EEF2: variants seen among roughly 807,000 people sequenced by gnomAD.
The protein encoded by EEF2 is elongation factor 2.
EEF2 carries 21 observed loss-of-function variants against 85.3 expected under a neutral mutation model. The observed-to-expected ratio is 0.25, with a 90% confidence interval of 0.17 to 0.35. The LOEUF (loss-of-function observed/expected upper bound fraction) is 0.35, where lower values mean the gene tolerates loss of function less well. Ranked by LOEUF, EEF2 falls within the 10% of genes least tolerant of loss-of-function variation. The pLI, the probability that EEF2 is intolerant of heterozygous loss-of-function variation, is 1.00. For synonymous variants in EEF2, 723 were observed against 508.8 expected (o/e 1.42, Z -5.67); for missense variants, 825 against 1,225.3 (o/e 0.67, Z 4.88).
chr19:3,981,761 G>A (rs1249108099), intron 6 of EEF2, among the ~76,000 whole-genome samples, 186 bp downstream of exon 6: 1 of 152,258 alleles, frequency 6.6e-6, no homozygotes, highest in African/African-American at 2.4e-5. Context: ...CAAGGCTCTG[G>A]CTATGCAGTC....
intron 11 of EEF2, among the ~76,000 whole-genome samples, chr19:3,978,856 TCA>T: frequency 1.6e-5 from 2 of 125,826 alleles, no homozygotes; most frequent in Non-Finnish European, 3.2e-5. Context: ...GCATGGTGGC[TCA>T]CACCTGTAAT....
intron 9 of EEF2, 22 bp from the exon 10 acceptor site, chr19:3,980,088 A>C: frequency 6.2e-7 from 1 of 1,605,606 alleles, no homozygotes; most frequent in Non-Finnish European, 8.5e-7. Context: ...AGAAGGCGGC[A>C]GCAGGCCGCA....
chr19:3,977,317 C>A lies in EEF2; in HGVS notation c.2281G>T (p.Gly761Trp), dbSNP rs2039690038. Residue 761 changes from glycine to tryptophan, a missense_variant, in exon 14 of 15, where the codon GGG (glycine) becomes TGG (tryptophan). Transcript: ENST00000309311. This position sits in a 1 kb window ranked among gnomAD's most constrained non-coding sequence, Gnocchi z 5.4. ...CPEQVVGGIYGVLNRKRGHVF... is the reference protein window; with the variant it reads ...CPEQVVGGIYWVLNRKRGHVF... ...TGGCCCCGCTTCCTGTTCAAAACCC[C>A]GTAGATGCCACCGACCACCTGCTCT... 1 of 1,598,814 alleles carries A rather than the reference C, an allele frequency of 6.3e-7. No individual in the cohort carries two copies. Among genetic ancestry groups the A allele is most frequent in the Non-Finnish European group, 8.5e-7 (1 of 1,173,092 alleles).
At chr19:3,981,736 A>G (rs915938448) in intron 6 of EEF2, among the ~76,000 whole-genome samples, 1 of 152,204 alleles carries the variant, frequency 6.6e-6, no homozygotes, top group African/African-American at 2.4e-5. Context: ...AACCCCCTCA[A>G]TGCAGGAGAG....
chr19:3,982,576 G>C (rs1395333609), intron 4 of EEF2, 152 bp from the exon 5 acceptor site: 2 of 1,155,686 alleles, frequency 1.7e-6, no homozygotes, highest in African/African-American at 3.0e-5. Flanking sequence ...CACGAATAGG[G>C]GGGCCAGCCC....
In EEF2 at chr19:3,977,407, C is replaced by A. The variant is rs759052423; in HGVS notation, c.2250+21G>T. 21 of 1,586,206 alleles carry A rather than the reference C, an allele frequency of 1.3e-5. No individual in the cohort carries two copies. The highest frequency in any genetic ancestry group is 1.7e-5 in the Non-Finnish European group (20 of 1,165,552). On this transcript the variant is annotated intron_variant, in intron 13 of 14. Coordinates refer to ENST00000309311, the MANE Select transcript of EEF2 (RefSeq NM_001961.4). This position sits in a 1 kb window ranked among gnomAD's most constrained non-coding sequence, Gnocchi z 5.4. Reference sequence around the variant, plus strand: ...CTGGGCAGGACGGTGGCAGGGTCAGCGGTGGGCGGGTAGACCTCACCTGGA... The same window carrying A: ...CTGGGCAGGACGGTGGCAGGGTCAGAGGTGGGCGGGTAGACCTCACCTGGA...
Position 3,977,418 on chromosome 19 carries a change from T to G in EEF2, c.2250+10A>C, listed in dbSNP as rs368428296. On this transcript the variant is annotated intron_variant, in intron 13 of 14. Coordinates refer to ENST00000309311, the MANE Select transcript of EEF2 (RefSeq NM_001961.4). The surrounding 1 kb of genome is among the most constrained non-coding windows in gnomAD (Gnocchi z 5.4). ...GGTGGCAGGGTCAGCGGTGGGCGGG[T>G]AGACCTCACCTGGATCTCCACAAGG... 6.3e-7 allele frequency: 1 copy of G among 1,583,550 alleles called. No homozygotes were observed. The highest frequency in any genetic ancestry group is 1.3e-5 in the African/African-American group (1 of 74,540).
chr19:3,983,756 G>A (rs1195235254), intron 2 of EEF2: 3 of 321,808 alleles, frequency 9.3e-6, no homozygotes, highest in South Asian at 3.5e-5. Flanking sequence ...CTCATATCGG[G>A]GCCAGAAACT....
intron 6 of EEF2, 66 bp downstream of exon 6, chr19:3,981,880 GC>G: frequency 6.8e-7 from 1 of 1,474,488 alleles, no homozygotes; most frequent in Non-Finnish European, 9.4e-7. Flanking sequence ...CAGGCTACCG[GC>G]CGGAGCCCAC....
chr19:3,980,989 CAG>C lies in EEF2; in HGVS notation c.1012-12_1012-11del, dbSNP rs769842769. On this transcript the variant is annotated splice_polypyrimidine_tract_variant and intron_variant, in intron 7 of 14. Coordinates refer to ENST00000309311, the MANE Select transcript of EEF2 (RefSeq NM_001961.4). ...AGCGGCGCATCACAGCCTGCGGGGGCAGAGAGCGGTGCATGAGACACCTGGGG... is the reference window on the plus strand; with the variant it reads ...AGCGGCGCATCACAGCCTGCGGGGGCAGAGCGGTGCATGAGACACCTGGGG... 5 of 1,566,258 alleles carry C rather than the reference CAG, an allele frequency of 3.2e-6. No homozygotes were observed. The African/African-American group carries it at 4.1e-5, about 13-fold the overall frequency.
At chr19:3,982,486 G>A (rs753082014) in intron 4 of EEF2, 62 bp from the exon 5 acceptor site, 10 of 1,605,404 alleles carry the variant, frequency 6.2e-6, no homozygotes, top group Non-Finnish European at 8.5e-6. Flanking sequence ...GAAGCTACGG[G>A]CTGGGCGCCT....
rs771347280 is a variant in EEF2 at position 3,979,428 on chromosome 19, G to A, written c.1614C>T (p.Ile538=). ...CGATGATATGCTCTCCCGACTCCTC[G>A]ATGATGCACTGAAAGGGATGCGGGT... The part of the protein sequence containing the change: ...AKSDPMVQCI[I]EESGEHIIAG... The change falls in exon 11 of 15, where the codon ATC becomes ATT. Residue 538 remains isoleucine (I), a synonymous_variant. Transcript: ENST00000309311. 1.8e-5 allele frequency: 29 copies of A among 1,613,330 alleles called. No homozygotes were observed. Among genetic ancestry groups the A allele is most frequent in the African/African-American group, 4.0e-5 (3 of 74,924 alleles).
chr19:3,983,412 C>T lies in EEF2; in HGVS notation c.219-121G>A, dbSNP rs944195270. 11 of 1,063,480 alleles carry T rather than the reference C, an allele frequency of 1.0e-5. No individual in the cohort carries two copies. In the African/African-American group the frequency reaches 1.8e-4, roughly 17 times the overall value. The allele number at this position is 1,063,480 out of a possible 1,614,324, so 65.9% of individuals were successfully genotyped here. A position where few individuals can be genotyped will look rare whatever the true frequency, so the allele number is the denominator to read the frequency against. On this transcript the variant is annotated intron_variant, in intron 2 of 14. Coordinates refer to ENST00000309311, the MANE Select transcript of EEF2 (RefSeq NM_001961.4). Reference sequence around the variant, plus strand: ...TGACTCATCCCTGGAGAGGCTCCCACAAGAGCCAACCCACCCTTGTCCTTT... The same window carrying T: ...TGACTCATCCCTGGAGAGGCTCCCATAAGAGCCAACCCACCCTTGTCCTTT...
chr19:3,978,719 C>T (rs1425755596), intron 11 of EEF2, among the ~76,000 whole-genome samples: 1 of 142,468 alleles, frequency 7.0e-6, no homozygotes, highest in Non-Finnish European at 1.5e-5. Flanking sequence ...AGGAGAATGG[C>T]GTGAACCTGG....
Position 3,979,047 on chromosome 19 carries a change from G to T in EEF2, c.1713+282C>A, listed in dbSNP as rs567155852. Among the ~76,000 whole-genome samples, 34 of 151,920 alleles carry T rather than the reference G, an allele frequency of 2.2e-4. 1 individual carries two copies. The highest frequency in any genetic ancestry group is 3.8e-4 in the Non-Finnish European group (26 of 68,006). On this transcript the variant is annotated intron_variant, in intron 11 of 14. Transcript: ENST00000309311. ...GGAAGCTGAGTGAGGCAAGAGAATC[G>T]CTTGAACCCGGGAGGTGGAGGTTCT...
rs772958286 is a variant in EEF2 at position 3,985,397 on chromosome 19, G to A, written c.-17C>T. 7.3e-6 allele frequency: 11 copies of A among 1,511,074 alleles called. No individual in the cohort carries two copies. In the East Asian group the frequency reaches 1.3e-4, roughly 18 times the overall value. 93.6% of individuals were successfully genotyped at this position (1,511,074 alleles called of 1,614,324 possible). ...ACTCACCATGGTGGCGGATGGCGGT[G>A]GATTCTCCCAGGTAGAACCGAAAGA... On this transcript the variant is annotated 5_prime_UTR_variant, in exon 1 of 15. Coordinates refer to ENST00000309311, the MANE Select transcript of EEF2 (RefSeq NM_001961.4).
intron 9 of EEF2, 53 bp downstream of exon 9, chr19:3,980,461 A>G: frequency 6.4e-7 from 1 of 1,554,594 alleles, no homozygotes; most frequent in Non-Finnish European, 8.7e-7. Context: ...GACTTGGAGC[A>G]GGGCAGGGCC....
At chr19:3,985,335 C>T in intron 1 of EEF2, 43 bp downstream of exon 1, 1 of 1,445,550 alleles carries the variant, frequency 6.9e-7, no homozygotes, top group Non-Finnish European at 9.2e-7. Context: ...CCCGCGGAGG[C>T]CCCGCCGCCG....
At chr19:3,982,610 CCT>C (rs2039768341) in intron 4 of EEF2, 186 bp from the exon 5 acceptor site, 2 of 1,051,060 alleles carry the variant, frequency 1.9e-6, no homozygotes, top group Admixed American at 1.8e-5. Context: ...GGCAGCGTTC[CCT>C]GAGCTCGTCT....
Sources: allele counts gnomAD v4.1 joint callset (sites outside exome capture counted in the v4.1 genomes callset), GRCh38; gene constraint gnomAD v4.1.1; non-coding constraint Gnocchi (gnomAD v3.1); transcripts MANE v1.5; gene names NCBI Gene and HGNC (gene_info 2026-07-23, HGNC 2026-07-21).